The following CADPS variants were observed in gnomAD, a reference collection of about 807,000 sequenced individuals.
CADPS encodes the protein calcium dependent secretion activator.
Under a neutral mutation model 167.3 loss-of-function variants are expected in CADPS, and 57 were observed. The observed-to-expected ratio is 0.34, with a 90% CI of 0.28 to 0.42. The LOEUF (loss-of-function observed/expected upper bound fraction) is 0.42, where lower values mean the gene tolerates loss of function less well. CADPS is among the 20% of genes least tolerant of loss of function. CADPS has a pLI of 1.00. For missense variants in CADPS, 1,414 were observed against 1,738.1 expected (o/e 0.81, Z 3.32); for synonymous variants, 676 against 635.3 (o/e 1.06, Z -0.96).
intron 2 of CADPS, among the ~76,000 whole-genome samples, chr3:62,762,947 G>GGTA (rs2085874099): frequency 6.6e-6 from 1 of 152,144 alleles, no homozygotes; most frequent in African/African-American, 2.4e-5. Context: ...GTTGTGGCAT[G>GGTA]GTAGGGTGGA....
intron 3 of CADPS, among the ~76,000 whole-genome samples, chr3:62,740,159 TTG>T (rs370679517): frequency 1.3e-3 from 196 of 152,272 alleles, no homozygotes; most frequent in African/African-American, 4.4e-3. Context: ...TGGCTCCAGG[TTG>T]TGAGTTCAGT....
intron 28 of CADPS, among the ~76,000 whole-genome samples, chr3:62,426,190 C>G (rs963548009): frequency 1.3e-5 from 2 of 152,072 alleles, no homozygotes; most frequent in Non-Finnish European, 2.9e-5. Context: ...CTAGCTTTGT[C>G]GCCAGGCTGG....
At chr3:62,787,089 T>A (rs969390498) in intron 1 of CADPS, among the ~76,000 whole-genome samples, 6 of 151,550 alleles carry the variant, frequency 4.0e-5, no homozygotes, top group Non-Finnish European at 7.4e-5. Flanking sequence ...ATCTCCGGAG[T>A]TAGAGACTAG....
intron 2 of CADPS, among the ~76,000 whole-genome samples, chr3:62,754,632 G>A (rs1158408351): frequency 1.3e-5 from 2 of 152,198 alleles, no homozygotes; most frequent in Admixed American, 6.5e-5. Flanking sequence ...GGGACTATAG[G>A]TGTGTGCCAA....
chr3:62,633,933 T>G (rs2065776880), intron 6 of CADPS, among the ~76,000 whole-genome samples: 1 of 152,242 alleles, frequency 6.6e-6, no homozygotes, highest in Admixed American at 6.5e-5. Flanking sequence ...TTTAAACTTT[T>G]TTTTACTTCC....
chr3:62,573,269 T>C (rs1360047309), intron 8 of CADPS, among the ~76,000 whole-genome samples: 1 of 152,210 alleles, frequency 6.6e-6, no homozygotes, highest in Non-Finnish European at 1.5e-5. Context: ...TACTGTATTA[T>C]TTTTTATTCA....
Position 62,483,327 on chromosome 3 carries a change from G to A in CADPS, c.3027-1458C>T, listed in dbSNP as rs952948108. 8.8e-5 allele frequency among the ~76,000 whole-genome samples: 12 copies of A among 136,894 alleles called. 2 individuals carry two copies. The highest frequency in any genetic ancestry group is 3.0e-4 in the African/African-American group (11 of 36,854). The allele number at this position is 136,894 out of a possible 152,430, so 89.8% of individuals were successfully genotyped here. A position where few individuals can be genotyped will look rare whatever the true frequency, so the allele number is the denominator to read the frequency against. ...GGAAGTGGGGGAGTAGGGGAGTAGG[G>A]GAGTGGGGGAGTGGGGGAGTTAGGG... is the stretch of plus-strand genomic sequence containing the variant. On this transcript the variant is annotated intron_variant, in intron 21 of 29. Transcript: ENST00000383710.
At chr3:62,677,018 A>G (rs2076439442) in intron 3 of CADPS, among the ~76,000 whole-genome samples, 1 of 152,122 alleles carries the variant, frequency 6.6e-6, no homozygotes, top group Admixed American at 6.6e-5. Context: ...TTAATAATTA[A>G]TCTCTAAACC....
chr3:62,791,610 C>T (rs935517902), intron 1 of CADPS, among the ~76,000 whole-genome samples: 3 of 152,144 alleles, frequency 2.0e-5, no homozygotes, highest in Non-Finnish European at 4.4e-5. Context: ...TTCATTGCAT[C>T]AGTCAATCAA....
In CADPS at chr3:62,420,898, A is replaced by AGG; in HGVS notation, c.3777+17205_3777+17206insCC. ...CACACACACACACACACACACACAC[A>AGG]CACAGGCACACACACACACACTTGC... is the stretch of plus-strand genomic sequence containing the variant. On this transcript the variant is annotated intron_variant, in intron 28 of 29. Coordinates refer to ENST00000383710, the MANE Select transcript of CADPS (RefSeq NM_003716.4). The surrounding 1 kb of genome is among the most constrained non-coding windows in gnomAD (Gnocchi z 4.1). Among the ~76,000 whole-genome samples, 1 of 126,330 alleles carries AGG rather than the reference A, an allele frequency of 7.9e-6. No homozygotes were observed. The highest frequency in any genetic ancestry group is 3.0e-4 in the East Asian group (1 of 3,300). 82.9% of individuals were successfully genotyped at this position (126,330 alleles called of 152,430 possible).
chr3:62,424,868 C>T (rs2052299111), intron 28 of CADPS, among the ~76,000 whole-genome samples: 2 of 152,174 alleles, frequency 1.3e-5, no homozygotes, highest in South Asian at 4.1e-4. Flanking sequence ...TGACAAACTA[C>T]ACAAGATACT....
intron 6 of CADPS, among the ~76,000 whole-genome samples, chr3:62,598,095 A>G (rs2059178626): frequency 6.6e-6 from 1 of 152,338 alleles, no homozygotes; most frequent in African/African-American, 2.4e-5. Context: ...TCCACAGTCC[A>G]TCGTTCCATG....
At chr3:62,738,127 C>T (rs1018492405) in intron 3 of CADPS, among the ~76,000 whole-genome samples, 2 of 152,100 alleles carry the variant, frequency 1.3e-5, no homozygotes, top group African/African-American at 4.8e-5. Flanking sequence ...ATTAATGGTG[C>T]ATCCAGTCTT....
chr3:62,605,095 GCT>G (rs2060507271), intron 6 of CADPS, among the ~76,000 whole-genome samples: 1 of 152,134 alleles, frequency 6.6e-6, no homozygotes, highest in Non-Finnish European at 1.5e-5. Context: ...CACCTTACAG[GCT>G]CCAGAAGACT....
At chr3:62,756,523 A>G (rs1158409930) in intron 2 of CADPS, among the ~76,000 whole-genome samples, 2 of 152,230 alleles carry the variant, frequency 1.3e-5, no homozygotes, top group Admixed American at 6.5e-5. Flanking sequence ...TGTCAGGAAT[A>G]CAACGGTGAG....
chr3:62,783,400 C>G (rs2092002355), intron 1 of CADPS, among the ~76,000 whole-genome samples: 2 of 151,896 alleles, frequency 1.3e-5, no homozygotes, highest in South Asian at 4.1e-4. Context: ...AAGACTATTT[C>G]TTATTTTTAT....
intron 17 of CADPS, among the ~76,000 whole-genome samples, chr3:62,511,262 C>T (rs1171323170): frequency 6.6e-6 from 1 of 152,188 alleles, no homozygotes; most frequent in East Asian, 1.9e-4. Context: ...CCCTGCCTAC[C>T]TTGCCATCAT....
At chr3:62,571,596 C>T (rs1438207224) in intron 8 of CADPS, among the ~76,000 whole-genome samples, 1 of 151,338 alleles carries the variant, frequency 6.6e-6, no homozygotes. Context: ...CAGAGTTTCA[C>T]TCTTGTTGCC....
chr3:62,836,862 A>G (rs539529560), intron 1 of CADPS, among the ~76,000 whole-genome samples: 1 of 152,256 alleles, frequency 6.6e-6, no homozygotes, highest in African/African-American at 2.4e-5. Context: ...TTGATAAAAG[A>G]AAGAATCAGG....
Sources: gnomAD v4.1 joint callset for allele counts (sites outside exome capture counted in the v4.1 genomes callset) on GRCh38, gnomAD v4.1.1 for gene constraint, Gnocchi (gnomAD v3.1) non-coding constraint, MANE v1.5 for transcripts, NCBI Gene and HGNC (gene_info 2026-07-23, HGNC 2026-07-21) for gene names.